The following PCDH11X variants were observed in gnomAD, a reference collection of about 807,000 sequenced individuals.
PCDH11X encodes the protein protocadherin-11 X-linked.
A neutral mutation model predicts 53.3 loss-of-function variants in PCDH11X; 18 were observed. The observed-to-expected ratio is 0.34, with a 90% CI of 0.23 to 0.50. The LOEUF is 0.50. Among genes scored for constraint, PCDH11X ranks in the 20% least tolerant of loss-of-function variants. The pLI is 0.98. For synonymous variants in PCDH11X, 279 were observed against 393.3 expected, an observed-to-expected ratio of 0.71 and a Z score of 3.44; for missense variants, 570 against 1,032.4, an observed-to-expected ratio of 0.55 and a Z score of 6.14.
chrX:92,010,609 A>G (rs1415700211), intron 6 of PCDH11X, among the ~76,000 whole-genome samples: 1 of 111,020 alleles, frequency 9.0e-6, no homozygotes, highest in Non-Finnish European at 1.9e-5. Context: ...CTTTGATCTT[A>G]TATATTCAAA....
Position 92,433,975 on chromosome X carries a change from G to T in PCDH11X, c.3344-34324G>T, listed in dbSNP as rs771630947. 1.5e-4 allele frequency among the ~76,000 whole-genome samples: 17 copies of T among 110,247 alleles called. No homozygotes were observed. In the South Asian group the frequency reaches 6.6e-3, roughly 43 times the overall value. On this transcript the variant is annotated intron_variant, in intron 9 of 10. Coordinates refer to ENST00000682573, the MANE Select transcript of PCDH11X (RefSeq NM_032968.5). ...AGAATACCAAAAGCAAACTCACTTT[G>T]CCTAGAGTAAGCTACTTACTTGGGA... is the stretch of plus-strand genomic sequence containing the variant.
chrX:92,525,753 C>T (rs1302391836), intron 10 of PCDH11X, among the ~76,000 whole-genome samples: 9 of 110,259 alleles, frequency 8.2e-5, no homozygotes, highest in Admixed American at 3.9e-4. Context: ...AATATTATAA[C>T]GATATCCTTT....
At chrX:91,898,173 A>G (rs1940820002) in intron 6 of PCDH11X, among the ~76,000 whole-genome samples, 1 of 109,740 alleles carries the variant, frequency 9.1e-6, no homozygotes, top group African/African-American at 3.3e-5. Flanking sequence ...TTCTACATAG[A>G]TGAACTCATC....
intron 8 of PCDH11X, 52 bp from the exon 9 acceptor site, chrX:92,387,683 G>A: frequency 2.5e-6 from 3 of 1,211,822 alleles, no homozygotes; most frequent in Non-Finnish European, 2.2e-6. Context: ...GCAGCATTAA[G>A]CAATTATTCA....
At chrX:92,351,429 T>C (rs2070047478) in intron 8 of PCDH11X, among the ~76,000 whole-genome samples, 1 of 111,733 alleles carries the variant, frequency 8.9e-6, no homozygotes, top group Non-Finnish European at 1.9e-5. Context: ...ATGGGGTACA[T>C]ATAGTAAGTT....
chrX:92,114,730 C>T (rs774812302), intron 6 of PCDH11X, among the ~76,000 whole-genome samples: 1 of 111,685 alleles, frequency 9.0e-6, no homozygotes, highest in East Asian at 2.8e-4. Flanking sequence ...TTCCTTGCTC[C>T]CTGCCTTGCA....
intron 6 of PCDH11X, among the ~76,000 whole-genome samples, chrX:92,146,891 C>T (rs2065275717): frequency 1.8e-5 from 2 of 110,027 alleles, no homozygotes; most frequent in African/African-American, 6.6e-5. Context: ...CCCAGCTACT[C>T]GGGAGGCTGA....
At position 92,557,844 on chromosome X, in the gene PCDH11X, A is replaced by T. The variant is rs189392235; in HGVS notation, c.3368-60420A>T. ...ACATGAAAAAAAAAACCTAGGGTGAATAATTTATAAAGGGAAGAGGTTTAA... is the reference window on the plus strand; with the variant it reads ...ACATGAAAAAAAAAACCTAGGGTGATTAATTTATAAAGGGAAGAGGTTTAA... On this transcript the variant is annotated intron_variant, in intron 10 of 10. Transcript: ENST00000682573. Among the ~76,000 whole-genome samples, 102 of 110,233 alleles carry T rather than the reference A, an allele frequency of 9.3e-4. 3 individuals carry two copies. The Admixed American group carries it at 9.8e-3, about 11-fold the overall frequency.
intron 6 of PCDH11X, among the ~76,000 whole-genome samples, chrX:92,002,439 G>A (rs764815224): frequency 1.1e-4 from 12 of 110,601 alleles, no homozygotes; most frequent in African/African-American, 3.6e-4. Flanking sequence ...TGTGAAGAAT[G>A]TCATTGGTAT....
intron 10 of PCDH11X, among the ~76,000 whole-genome samples, chrX:92,486,852 G>A (rs1408596038): frequency 9.3e-6 from 1 of 107,727 alleles, no homozygotes; most frequent in Non-Finnish European, 1.9e-5. Flanking sequence ...TGTCAAAGAA[G>A]GATTTTAGTA....
chrX:92,000,741 G>A (rs1339314489), intron 6 of PCDH11X, among the ~76,000 whole-genome samples: 2 of 98,470 alleles, frequency 2.0e-5, no homozygotes, highest in African/African-American at 7.4e-5. Flanking sequence ...ACCCTTCCTA[G>A]TCTCAGGTAA....
chrX:92,175,480 T>C (rs1450831492), intron 6 of PCDH11X, among the ~76,000 whole-genome samples: 2 of 110,412 alleles, frequency 1.8e-5, no homozygotes, highest in African/African-American at 6.6e-5. Context: ...AGTGAGTATA[T>C]AGCATTGAAA....
intron 10 of PCDH11X, among the ~76,000 whole-genome samples, chrX:92,615,608 A>C (rs1211826051): frequency 9.1e-6 from 1 of 110,279 alleles, no homozygotes; most frequent in African/African-American, 3.3e-5. Flanking sequence ...AGGTGTTCCA[A>C]TCTCTGGCCT....
chrX:91,840,582 A>G (rs1937491581), intron 5 of PCDH11X, among the ~76,000 whole-genome samples: 1 of 111,629 alleles, frequency 9.0e-6, no homozygotes, highest in South Asian at 3.7e-4. Context: ...TTAGAATTAG[A>G]TTTGTTTTGC....
chrX:92,235,671 A>G (rs1274890385), intron 7 of PCDH11X, among the ~76,000 whole-genome samples: 1 of 111,613 alleles, frequency 9.0e-6, no homozygotes, highest in Non-Finnish European at 1.9e-5. Flanking sequence ...TTATTATTTC[A>G]TAAGGGAATG....
chrX:92,525,777 T>C (rs931570359), intron 10 of PCDH11X, among the ~76,000 whole-genome samples: 5 of 111,834 alleles, frequency 4.5e-5, no homozygotes, highest in African/African-American at 6.5e-5. Context: ...GAAGCTAGTT[T>C]ATTGAGTTTT....
At chrX:92,207,204 G>A (rs1219976177) in intron 7 of PCDH11X, among the ~76,000 whole-genome samples, 1 of 111,809 alleles carries the variant, frequency 8.9e-6, no homozygotes, top group East Asian at 2.8e-4. Context: ...TATGCTAGCA[G>A]CTGTGCAATA....
chrX:92,405,897 A>C (rs1339097337), intron 9 of PCDH11X, among the ~76,000 whole-genome samples: 2 of 110,368 alleles, frequency 1.8e-5, no homozygotes, highest in Non-Finnish European at 3.8e-5. Flanking sequence ...GATCGAGACC[A>C]TCCTGGCTAA....
At position 92,390,046 on chromosome X, in the gene PCDH11X, G is replaced by T. The variant is rs180805539; in HGVS notation, c.3343+2113G>T. ...TGGGCAATGATAATAGTAAAGCAAA[G>T]TATATATTTTGCTGCTTATTATTTT... is the stretch of plus-strand genomic sequence containing the variant. On this transcript the variant is annotated intron_variant, in intron 9 of 10. Coordinates refer to ENST00000682573, the MANE Select transcript of PCDH11X (RefSeq NM_032968.5). Among the ~76,000 whole-genome samples, 919 of 110,770 alleles carry T rather than the reference G, an allele frequency of 8.3e-3. 17 individuals carry two copies. Among genetic ancestry groups the T allele is most frequent in the African/African-American group, 0.029 (887 of 30,545 alleles).
Sources: allele counts gnomAD v4.1 joint callset (sites outside exome capture counted in the v4.1 genomes callset), GRCh38; gene constraint gnomAD v4.1.1; transcripts MANE v1.5; gene names NCBI Gene and HGNC (gene_info 2026-07-23, HGNC 2026-07-21).